GON4L: variants seen among roughly 807,000 people sequenced by gnomAD.
The protein encoded by GON4L is gon-4 like, also known as GON-4-like protein.
A neutral mutation model predicts 211.8 loss-of-function variants in GON4L; 87 were observed. That is an observed-to-expected ratio of 0.41 (90% CI 0.35 to 0.49). The LOEUF (loss-of-function observed/expected upper bound fraction) is 0.49, where lower values mean the gene tolerates loss of function less well. Among genes scored for constraint, GON4L ranks in the 20% least tolerant of loss-of-function variants. The pLI, the probability that GON4L is intolerant of heterozygous loss-of-function variation, is 0.15. For synonymous variants in GON4L, 875 were observed against 962.6 expected, an observed-to-expected ratio of 0.91 and a Z score of 1.68; for missense variants, 2,155 against 2,659.5, an observed-to-expected ratio of 0.81 and a Z score of 4.17.
intron 17 of GON4L, chr1:155,773,545 A>ATAT (rs1663436235): frequency 3.7e-6 from 1 of 267,480 alleles, no homozygotes; most frequent in Non-Finnish European, 7.2e-6. Context: ...CCCCCCTTAA[A>ATAT]TACTTGAAGG....
intron 19 of GON4L, among the ~76,000 whole-genome samples, chr1:155,770,436 G>A (rs995002144): frequency 1.3e-5 from 2 of 152,200 alleles, no homozygotes; most frequent in Non-Finnish European, 2.9e-5. Flanking sequence ...AGGCTAAAGT[G>A]GAAGGATCAC....
At chr1:155,783,013 C>T (rs1239040877) in intron 14 of GON4L, among the ~76,000 whole-genome samples, 2 of 152,086 alleles carry the variant, frequency 1.3e-5, no homozygotes, top group East Asian at 1.9e-4. Flanking sequence ...AACCAAAACA[C>T]GTTTATAGAT....
At chr1:155,762,742 T>A (rs1475160727) in intron 22 of GON4L, among the ~76,000 whole-genome samples, 4 of 152,102 alleles carry the variant, frequency 2.6e-5, no homozygotes, top group Non-Finnish European at 4.4e-5. Context: ...AACAATCAGT[T>A]TAACAAAGTG....
At position 155,822,338 on chromosome 1, in the gene GON4L, T is replaced by G; in HGVS notation, c.836A>C (p.Asp279Ala). Residue 279 changes from aspartate (D) to alanine (A), a missense_variant, in exon 4 of 32, where the codon GAT becomes GCT. Around this residue, in one of 6 missense-constraint regions of GON4L, gnomAD observed 551 missense variants for 854.0 expected, o/e 0.65. Transcript: ENST00000368331. ...TGTTAGATTGTGCTGCTTGGCACCA[T>G]CCTCCAAGGTACGGTCAAGCATGTC... ...LDDMLDRTLE[D>A]GAKQHNLTAV... is the part of the protein sequence containing the mutation. The G allele has an allele frequency of 1.2e-6, 2 of 1,614,128 alleles. No homozygotes were observed. Among genetic ancestry groups the G allele is most frequent in the Non-Finnish European group, 1.7e-6 (2 of 1,179,944 alleles).
intron 2 of GON4L, among the ~76,000 whole-genome samples, chr1:155,852,188 GT>G (rs1326887439): frequency 1.4e-5 from 2 of 140,684 alleles, no homozygotes; most frequent in Non-Finnish European, 3.1e-5. Flanking sequence ...AAAAAAAGAA[GT>G]CATCTCCCAC....
chr1:155,816,050 G>T, intron 7 of GON4L, 150 bp from the exon 8 acceptor site: 1 of 707,220 alleles, frequency 1.4e-6, no homozygotes, highest in Non-Finnish European at 2.6e-6. Flanking sequence ...AGAGGTTAAA[G>T]TGAATTCCAT....
At chr1:155,847,521 G>C (rs207460456) in intron 2 of GON4L, among the ~76,000 whole-genome samples, 3 of 152,154 alleles carry the variant, frequency 2.0e-5, no homozygotes, top group Non-Finnish European at 4.4e-5. Context: ...GACCAACATG[G>C]TGAAACCCCG....
In GON4L at chr1:155,776,381, A is replaced by AT; in HGVS notation, c.2178+13dup. The AT allele has an allele frequency of 6.5e-7, 1 of 1,543,014 alleles. No individual in the cohort carries two copies. Among genetic ancestry groups the AT allele is most frequent in the Non-Finnish European group, 9.0e-7 (1 of 1,115,378 alleles). ...TACTCTAGTCTTTAGAGTTATGGATATTTGGAAACTTACAAGAAATATCCT... is the reference window on the plus strand; with the variant it reads ...TACTCTAGTCTTTAGAGTTATGGATATTTTGGAAACTTACAAGAAATATCCT... On this transcript the variant is annotated intron_variant, in intron 16 of 31. Coordinates refer to ENST00000368331, the MANE Select transcript of GON4L (RefSeq NM_001282860.2).
intron 2 of GON4L, among the ~76,000 whole-genome samples, chr1:155,843,438 C>T (rs1296313115): frequency 6.6e-6 from 1 of 152,152 alleles, no homozygotes; most frequent in Non-Finnish European, 1.5e-5. Context: ...AAACAGCTCT[C>T]TCCCACACTT....
intron 6 of GON4L, 83 bp from the exon 7 acceptor site, chr1:155,816,345 A>G: frequency 2.8e-6 from 2 of 706,230 alleles, no homozygotes; most frequent in Non-Finnish European, 5.2e-6. Flanking sequence ...ACCATCACTA[A>G]CAGCCATATA....
intron 14 of GON4L, among the ~76,000 whole-genome samples, chr1:155,779,996 G>T (rs1179824113): frequency 1.3e-5 from 2 of 151,516 alleles, no homozygotes; most frequent in African/African-American, 4.8e-5. Flanking sequence ...ACAGGGTTTC[G>T]CCACGTTAGC....
At chr1:155,807,124 G>A (rs1260818122) in intron 10 of GON4L, among the ~76,000 whole-genome samples, 3 of 150,806 alleles carry the variant, frequency 2.0e-5, no homozygotes, top group East Asian at 1.9e-4. Context: ...CAGGCACAGA[G>A]GCTCACATTT....
intron 4 of GON4L, 64 bp downstream of exon 4, chr1:155,822,222 A>G: frequency 7.3e-7 from 1 of 1,367,558 alleles, no homozygotes; most frequent in Non-Finnish European, 1.0e-6. Flanking sequence ...TTTGCTGAAC[A>G]TTTTTATATG....
chr1:155,783,786 G>A (rs397833487), intron 14 of GON4L, among the ~76,000 whole-genome samples, 200 bp downstream of exon 14: 10 of 152,146 alleles, frequency 6.6e-5, no homozygotes, highest in African/African-American at 1.9e-4. Context: ...CTTCCCAAAC[G>A]GATATAGCTT....
chr1:155,816,981 A>C (rs1475941393), intron 6 of GON4L, among the ~76,000 whole-genome samples: 2 of 151,784 alleles, frequency 1.3e-5, no homozygotes, highest in East Asian at 3.9e-4. Context: ...AGCTAGGGGG[A>C]AAGTTTTTCT....
At chr1:155,830,615 C>A (rs1415590183) in intron 2 of GON4L, among the ~76,000 whole-genome samples, 6 of 152,016 alleles carry the variant, frequency 3.9e-5, no homozygotes, top group African/African-American at 9.7e-5. Context: ...GAGACAGGGT[C>A]TCGCTCTGTC....
chr1:155,823,549 T>C, intron 3 of GON4L, among the ~76,000 whole-genome samples: 1 of 152,122 alleles, frequency 6.6e-6, no homozygotes, highest in African/African-American at 2.4e-5. Context: ...TACATAGCAA[T>C]GAAGGTCTAG....
At chr1:155,853,935 T>C in intron 1 of GON4L, 129 bp from the exon 2 acceptor site, 1 of 671,932 alleles carries the variant, frequency 1.5e-6, no homozygotes, top group Non-Finnish European at 2.6e-6. Flanking sequence ...AATTTCCCTT[T>C]AGGTGGAAGT....
At chr1:155,759,505 C>T (rs1661542344) in intron 24 of GON4L, among the ~76,000 whole-genome samples, 1 of 151,534 alleles carries the variant, frequency 6.6e-6, no homozygotes, top group African/African-American at 2.4e-5. Flanking sequence ...ACCCAGGAGG[C>T]GGAGGTTGCA....
Sources: gnomAD v4.1 joint callset for allele counts (sites outside exome capture counted in the v4.1 genomes callset) on GRCh38, gnomAD v4.1.1 for gene constraint, gnomAD v4.1.1 regional missense constraint, MANE v1.5 for transcripts, NCBI Gene and HGNC (gene_info 2026-07-23, HGNC 2026-07-21) for gene names.